The following VIT variants were observed in gnomAD, a reference collection of about 807,000 sequenced individuals.
The protein encoded by VIT is vitrin.
A neutral mutation model predicts 78.0 loss-of-function variants in VIT; 99 were observed. The ratio of observed to expected loss-of-function variants is 1.27; its 90% CI spans 1.08 to 1.50. The LOEUF (loss-of-function observed/expected upper bound fraction) is 1.50. Ranked by LOEUF, VIT falls within the 40% of genes most tolerant of loss-of-function variation. The pLI, the probability that VIT is intolerant of heterozygous loss-of-function variation, is 0.00. For missense variants in VIT, 1,126 were observed against 875.3 expected (o/e 1.29, Z -3.61); for synonymous variants, 374 against 334.3 (o/e 1.12, Z -1.29).
chr2:36,708,120 G>A (rs76107762), intron 1 of VIT, among the ~76,000 whole-genome samples: 4 of 105,552 alleles, frequency 3.8e-5, no homozygotes, highest in African/African-American at 9.9e-5. Flanking sequence ...TCCCCCCCCC[G>A]CCCACCTAGT....
chr2:36,798,621 T>C (rs1167326676), intron 12 of VIT, among the ~76,000 whole-genome samples: 1 of 151,828 alleles, frequency 6.6e-6, no homozygotes, highest in African/African-American at 2.4e-5. Flanking sequence ...AAGCCAGGCA[T>C]GGTGAAAGGT....
intron 1 of VIT, among the ~76,000 whole-genome samples, chr2:36,715,883 A>T (rs1245038812): frequency 6.6e-6 from 1 of 152,210 alleles, no homozygotes; most frequent in Admixed American, 6.5e-5. Context: ...TAAGTCTTTC[A>T]AGGGTGAGAA....
intron 9 of VIT, among the ~76,000 whole-genome samples, chr2:36,780,246 G>C (rs913658279): frequency 6.6e-6 from 1 of 152,162 alleles, no homozygotes; most frequent in Non-Finnish European, 1.5e-5. Context: ...CTGATGTTGG[G>C]GGACTGTTTA....
intron 6 of VIT, among the ~76,000 whole-genome samples, chr2:36,763,022 A>G (rs1669215475): frequency 6.6e-6 from 1 of 152,226 alleles, no homozygotes; most frequent in Non-Finnish European, 1.5e-5. Context: ...TTTTAAAAAA[A>G]ACTAGGAAGG....
At chr2:36,754,056 G>A (rs1221299559) in intron 4 of VIT, among the ~76,000 whole-genome samples, 2 of 152,216 alleles carry the variant, frequency 1.3e-5, no homozygotes, top group African/African-American at 2.4e-5. Context: ...CACACGTTGA[G>A]AACAGTTTTA....
chr2:36,797,255 G>T (rs1446088988), intron 12 of VIT, among the ~76,000 whole-genome samples: 1 of 152,204 alleles, frequency 6.6e-6, no homozygotes, highest in Non-Finnish European at 1.5e-5. Context: ...CGTCTTGGAA[G>T]AGGCATTATA....
At position 36,787,215 on chromosome 2, in the gene VIT, G is replaced by C. The variant is rs1395663281; in HGVS notation, c.997G>C (p.Asp333His). The C allele has an allele frequency of 2.5e-6, 4 of 1,614,238 alleles. No homozygotes were observed. The highest frequency in any genetic ancestry group is 3.4e-6 in the Non-Finnish European group (4 of 1,180,032). ...CCGAATCCAGAAGCAGCTCCTGGCT[G>C]ATGTTGCCCAAGCTCTTGACATTGG... Reference protein sequence around the residue: ...RFRIQKQLLADVAQALDIGPA... With the variant: ...RFRIQKQLLAHVAQALDIGPA... Residue 333 changes from aspartate to histidine, a missense_variant, in exon 12 of 16, where the codon GAT (aspartate) becomes CAT (histidine). By Grantham distance (81) the Asp-to-His change is moderately conservative (BLOSUM62 -1). Coordinates refer to ENST00000379242, the MANE Select transcript of VIT (RefSeq NM_053276.4).
rs1031092810 is a variant in VIT at position 36,774,934 on chromosome 2, G to A, written c.737-68G>A. The A allele has an allele frequency of 1.1e-5, 18 of 1,595,840 alleles. No individual in the cohort carries two copies. The East Asian group carries it at 2.5e-4, about 22-fold the overall frequency. ...TGAACTAAGGTAATTTTCACCGGGG[G>A]CAAAATAAGGAAAGAAAGCAGCCTG... is the stretch of plus-strand genomic sequence containing the variant. On this transcript the variant is annotated intron_variant, in intron 8 of 15. Coordinates refer to ENST00000379242, the MANE Select transcript of VIT (RefSeq NM_053276.4).
chr2:36,754,284 G>A lies in VIT; in HGVS notation c.276-637G>A, dbSNP rs1196045516. Among the ~76,000 whole-genome samples, 7 of 145,434 alleles carry A rather than the reference G, an allele frequency of 4.8e-5. No individual in the cohort carries two copies. The East Asian group carries it at 1.2e-3, about 25-fold the overall frequency. Reference sequence around the variant, plus strand: ...ATACCCAAAGGAGCCATGCATGTTCGACTCTGGGGCAAGAAATGACAACGT... The same window carrying A: ...ATACCCAAAGGAGCCATGCATGTTCAACTCTGGGGCAAGAAATGACAACGT... On this transcript the variant is annotated intron_variant, in intron 4 of 15. Transcript: ENST00000379242.
chr2:36,737,091 A>T (rs1260191171), intron 3 of VIT, among the ~76,000 whole-genome samples: 1 of 152,214 alleles, frequency 6.6e-6, no homozygotes, highest in African/African-American at 2.4e-5. Flanking sequence ...CTATAGGAGA[A>T]TAACAAACAA....
intron 6 of VIT, among the ~76,000 whole-genome samples, chr2:36,763,583 C>CT (rs70946947): frequency 3.3e-4 from 20 of 60,402 alleles, no homozygotes; most frequent in South Asian, 7.6e-4. Flanking sequence ...TCTATCTTCC[C>CT]TTTTTTTTTT....
In VIT at chr2:36,755,054, G is replaced by A. The variant is rs759986476; in HGVS notation, c.409G>A (p.Glu137Lys). The change falls in exon 5 of 16, where the codon GAA becomes AAA. Residue 137 changes from glutamate to lysine, a missense_variant and splice_region_variant. By Grantham distance (56) the Glu-to-Lys change is moderately conservative. Transcript: ENST00000379242. ...ATGGAGAGAATCCTTTATCGTCTTA[G>A]GTATGACCACACACTGGAGAAACGC... ...PRWRESFIVL[E>K]SKPKKGVTYP... The A allele has an allele frequency of 9.3e-6, 15 of 1,613,614 alleles. No homozygotes were observed. The highest frequency in any genetic ancestry group is 1.0e-5 in the Non-Finnish European group (12 of 1,179,872).
At chr2:36,786,234 A>G (rs1665087726) in intron 11 of VIT, among the ~76,000 whole-genome samples, 1 of 152,040 alleles carries the variant, frequency 6.6e-6, no homozygotes, top group African/African-American at 2.4e-5. Flanking sequence ...CAACTGTTAA[A>G]TAATTTATTT....
chr2:36,713,579 A>C (rs1665940097), intron 1 of VIT, among the ~76,000 whole-genome samples: 1 of 152,192 alleles, frequency 6.6e-6, no homozygotes, highest in Non-Finnish European at 1.5e-5. Flanking sequence ...CAAAGGAAGA[A>C]GGGAACAGCC....
At position 36,814,630 on chromosome 2, in the gene VIT, A is replaced by G; in HGVS notation, c.*269A>G. On this transcript the variant is annotated 3_prime_UTR_variant, in exon 16 of 16. Coordinates refer to ENST00000379242, the MANE Select transcript of VIT (RefSeq NM_053276.4). ...CATTTTGACAATTGTTTTCAAAATA[A>G]ATGTTCGGAATACAGTGCAGCCCTT... 1 of 420,164 alleles carries G rather than the reference A, an allele frequency of 2.4e-6. No individual in the cohort carries two copies. The highest frequency in any genetic ancestry group is 4.2e-6 in the Non-Finnish European group (1 of 236,578). The allele number at this position is 420,164 out of a possible 1,614,324, so 26.0% of individuals were successfully genotyped here.
chr2:36,805,699 G>A, intron 14 of VIT, 35 bp downstream of exon 14: 1 of 1,591,462 alleles, frequency 6.3e-7, no homozygotes, highest in South Asian at 1.1e-5. Context: ...CCAACATCAG[G>A]ATTTTCTGCA....
At chr2:36,722,066 G>A (rs757194312) in intron 2 of VIT, among the ~76,000 whole-genome samples, 8 of 152,094 alleles carry the variant, frequency 5.3e-5, no homozygotes, top group Non-Finnish European at 8.8e-5. Flanking sequence ...TTAAGGTATC[G>A]GAGCCATCCA....
intron 1 of VIT, among the ~76,000 whole-genome samples, chr2:36,710,035 C>T (rs1489569328): frequency 1.3e-5 from 2 of 152,100 alleles, no homozygotes; most frequent in African/African-American, 2.4e-5. Flanking sequence ...TGCAGCTTCC[C>T]ATTTGAGATC....
rs1343656236 is a variant in VIT at position 36,761,419 on chromosome 2, G to C, written c.487+2373G>C. Among the ~76,000 whole-genome samples, 7 of 152,088 alleles carry C rather than the reference G, an allele frequency of 4.6e-5. 1 individual carries two copies. Among genetic ancestry groups the C allele is most frequent in the African/African-American group, 1.7e-4 (7 of 41,424 alleles). On this transcript the variant is annotated intron_variant, in intron 6 of 15. Coordinates refer to ENST00000379242, the MANE Select transcript of VIT (RefSeq NM_053276.4). ...ACTGGAATGGCCTCACCCGTGGGAA[G>C]TTCAGTGGCATCTCTCCTGTTTTGG...
Sources: allele counts gnomAD v4.1 joint callset (sites outside exome capture counted in the v4.1 genomes callset), GRCh38; gene constraint gnomAD v4.1.1; transcripts MANE v1.5; gene names NCBI Gene and HGNC (gene_info 2026-07-23, HGNC 2026-07-21).